JMJD1C: variants seen among roughly 807,000 people sequenced by gnomAD.
JMJD1C encodes jumonji domain-containing protein 1C.
JMJD1C carries 31 observed loss-of-function variants against 245.3 expected under a neutral mutation model. The ratio of observed to expected loss-of-function variants is 0.13; its 90% confidence interval spans 0.09 to 0.17. JMJD1C has a LOEUF of 0.17. Ranked by LOEUF, JMJD1C falls within the 10% of genes least tolerant of loss-of-function variation. The pLI, the probability that JMJD1C is intolerant of heterozygous loss-of-function variation, is 1.00. For synonymous variants in JMJD1C, 1,057 were observed against 1,017.4 expected (o/e 1.04, Z -0.74); for missense variants, 2,691 against 3,000.2 (o/e 0.90, Z 2.41).
intron 3 of JMJD1C, among the ~76,000 whole-genome samples, chr10:63,235,370 G>A (rs539732635): frequency 5.9e-5 from 9 of 152,178 alleles, no homozygotes; most frequent in South Asian, 2.1e-4. Flanking sequence ...GGTGGCAAGC[G>A]CCTGTAATCC....
chr10:63,301,160 C>A (rs1332627111), intron 2 of JMJD1C, among the ~76,000 whole-genome samples: 1 of 152,144 alleles, frequency 6.6e-6, no homozygotes, highest in African/African-American at 2.4e-5. Context: ...GGACTATAGG[C>A]ATGTACCATC....
chr10:63,204,565 G>A (rs1846381315), intron 10 of JMJD1C: 10 of 985,240 alleles, frequency 1.0e-5, no homozygotes, highest in Non-Finnish European at 1.1e-5. Flanking sequence ...TAAGACAGAA[G>A]AGAAACAATT....
At chr10:63,421,888 C>G (rs1044150547) in intron 1 of JMJD1C, among the ~76,000 whole-genome samples, 3 of 152,212 alleles carry the variant, frequency 2.0e-5, no homozygotes, top group Non-Finnish European at 4.4e-5. Flanking sequence ...CCTGATGACA[C>G]TGTGATCTTG....
Position 63,191,035 on chromosome 10 carries a change from G to A in JMJD1C, c.6150C>T (p.Gly2050=), listed in dbSNP as rs1316848935. ...TCTGGGACACAAGAGGTGATGTTCT[G>A]CCATTTGGAGATTCAGAGTTGTCTT... ...REQDNSESPN[G]RTSPLVSQNN... The change falls in exon 17 of 26, where the codon GGC becomes GGT. Residue 2050 remains glycine, a synonymous_variant. Coordinates refer to ENST00000399262, the MANE Select transcript of JMJD1C (RefSeq NM_032776.3). The A allele has an allele frequency of 6.2e-7, 1 of 1,613,988 alleles. No homozygotes were observed. The highest frequency in any genetic ancestry group is 1.3e-5 in the African/African-American group (1 of 74,936).
chr10:63,421,912 C>T (rs1188354244), intron 1 of JMJD1C, among the ~76,000 whole-genome samples: 1 of 152,140 alleles, frequency 6.6e-6, no homozygotes, highest in African/African-American at 2.4e-5. Flanking sequence ...TTGTGGCCTC[C>T]AGAACTGTGA....
At chr10:63,244,015 T>G (rs1222149594) in intron 3 of JMJD1C, among the ~76,000 whole-genome samples, 2 of 152,190 alleles carry the variant, frequency 1.3e-5, no homozygotes, top group Non-Finnish European at 2.9e-5. Context: ...TGGGGTTTTC[T>G]GGCAGGAGAT....
At chr10:63,169,849 G>A (rs1842187405) in intron 24 of JMJD1C, among the ~76,000 whole-genome samples, 1 of 152,136 alleles carries the variant, frequency 6.6e-6, no homozygotes, top group Non-Finnish European at 1.5e-5. Context: ...GGAAACTATG[G>A]ATGAGATGTT....
chr10:63,445,310 G>T (rs1373287297), intron 1 of JMJD1C, among the ~76,000 whole-genome samples: 1 of 152,202 alleles, frequency 6.6e-6, no homozygotes, highest in Non-Finnish European at 1.5e-5. Context: ...ACAGAGGAGG[G>T]AAGAGGTCAA....
At chr10:63,289,147 C>G (rs538832195) in intron 2 of JMJD1C, among the ~76,000 whole-genome samples, 13 of 152,002 alleles carry the variant, frequency 8.6e-5, no homozygotes, top group Non-Finnish European at 1.3e-4. Flanking sequence ...ATGGATAATA[C>G]CATTAAATTA....
At chr10:63,517,859 C>G (rs1043853955) in intron 1 of JMJD1C, among the ~76,000 whole-genome samples, 1 of 135,004 alleles carries the variant, frequency 7.4e-6, no homozygotes, top group Non-Finnish European at 1.5e-5. Flanking sequence ...GTGGTGCAAT[C>G]TCAGCTCAGT....
chr10:63,370,952 A>G (rs1946263106), intron 2 of JMJD1C, among the ~76,000 whole-genome samples: 1 of 150,998 alleles, frequency 6.6e-6, no homozygotes, highest in South Asian at 2.1e-4. Flanking sequence ...GCCATAATAT[A>G]AAATAATGAT....
At chr10:63,172,546 T>G (rs146398482) in intron 24 of JMJD1C, among the ~76,000 whole-genome samples, 2 of 152,162 alleles carry the variant, frequency 1.3e-5, no homozygotes, top group Non-Finnish European at 2.9e-5. Flanking sequence ...AAGATAAATC[T>G]CTTACTTCAT....
intron 1 of JMJD1C, among the ~76,000 whole-genome samples, chr10:63,490,060 G>A (rs970596233): frequency 6.6e-6 from 1 of 152,210 alleles, no homozygotes; most frequent in Admixed American, 6.5e-5. Flanking sequence ...CTGATGATCT[G>A]GGGTGGAAGA....
At chr10:63,307,396 T>C (rs1293919482) in intron 2 of JMJD1C, among the ~76,000 whole-genome samples, 2 of 152,220 alleles carry the variant, frequency 1.3e-5, no homozygotes, top group Admixed American at 6.5e-5. Context: ...CAGGTTAAGA[T>C]GGCGAATCAT....
At position 63,214,916 on chromosome 10, in the gene JMJD1C, A is replaced by G. The variant is rs1250259142; in HGVS notation, c.1251T>C (p.His417=). ...SKINGEEGKP[H]NNEKAGEETL... ...TCTCTTCTCCTGCCTTCTCATTATT[A>G]TGGGGTTTTCCTTCTTCTCCATTTA... The change falls in exon 8 of 26, where the codon CAT becomes CAC. Residue 417 remains histidine, a synonymous_variant. Coordinates refer to ENST00000399262, the MANE Select transcript of JMJD1C (RefSeq NM_032776.3). 6.2e-7 allele frequency: 1 copy of G among 1,611,054 alleles called. No homozygotes were observed. Among genetic ancestry groups the G allele is most frequent in the Non-Finnish European group, 8.5e-7 (1 of 1,178,286 alleles).
intron 18 of JMJD1C, among the ~76,000 whole-genome samples, chr10:63,186,988 A>G (rs1316137461): frequency 6.6e-6 from 1 of 152,186 alleles, no homozygotes. Context: ...CCGAGTTTGT[A>G]TCTTGCCTAG....
intron 2 of JMJD1C, among the ~76,000 whole-genome samples, chr10:63,367,435 G>A (rs1237816441): frequency 6.6e-6 from 1 of 151,930 alleles, no homozygotes; most frequent in African/African-American, 2.4e-5. Flanking sequence ...TAGGAGAGAT[G>A]GGGTTTCTCC....
At chr10:63,472,699 T>C (rs924381804) in intron 1 of JMJD1C, among the ~76,000 whole-genome samples, 9 of 152,236 alleles carry the variant, frequency 5.9e-5, no homozygotes, top group African/African-American at 2.2e-4. Flanking sequence ...AATATATTTA[T>C]GTTGCAGCCT....
chr10:63,321,477 C>A (rs1301435132), intron 2 of JMJD1C, among the ~76,000 whole-genome samples: 1 of 152,162 alleles, frequency 6.6e-6, no homozygotes, highest in Non-Finnish European at 1.5e-5. Flanking sequence ...TGGAGGATAT[C>A]CAGCTCATGT....
Sources: allele counts gnomAD v4.1 joint callset (sites outside exome capture counted in the v4.1 genomes callset), GRCh38; gene constraint gnomAD v4.1.1; transcripts MANE v1.5; gene names NCBI Gene and HGNC (gene_info 2026-07-23, HGNC 2026-07-21).